The following DIAPH2 variants were observed in gnomAD, a reference collection of about 807,000 sequenced individuals.
The protein encoded by DIAPH2 is protein diaphanous homolog 2.
Under a neutral mutation model 92.7 loss-of-function variants are expected in DIAPH2, and 35 were observed. The ratio of observed to expected loss-of-function variants is 0.38; its 90% CI spans 0.29 to 0.50. DIAPH2 has a LOEUF of 0.50. Among genes scored for constraint, DIAPH2 ranks in the 20% least tolerant of loss-of-function variants. DIAPH2 has a pLI of 0.94. For missense variants in DIAPH2, 701 were observed against 819.5 expected (o/e 0.86, Z 1.77); for synonymous variants, 301 against 280.4 (o/e 1.07, Z -0.73).
chrX:96,856,583 A>AT (rs200000030), intron 4 of DIAPH2, among the ~76,000 whole-genome samples: 732 of 58,741 alleles, frequency 0.012, 11 homozygotes, highest in African/African-American at 0.092. Context: ...TAATATATAT[A>AT]TTTAAAAAAA....
intron 24 of DIAPH2, among the ~76,000 whole-genome samples, chrX:97,356,345 C>G (rs1476649403): frequency 9.0e-6 from 1 of 111,514 alleles, no homozygotes; most frequent in African/African-American, 3.3e-5. Context: ...TCGTTTCATG[C>G]AAATAGAGCC....
At chrX:96,968,591 G>A (rs1209838141) in intron 17 of DIAPH2, among the ~76,000 whole-genome samples, 1 of 111,472 alleles carries the variant, frequency 9.0e-6, no homozygotes, top group Non-Finnish European at 1.9e-5. Flanking sequence ...TGTTTTTTTG[G>A]TTGTTGATTT....
chrX:97,476,633 A>T (rs2147812962), intron 26 of DIAPH2, among the ~76,000 whole-genome samples: 1 of 111,038 alleles, frequency 9.0e-6, no homozygotes, highest in Admixed American at 9.7e-5. Context: ...CTGTAGAATT[A>T]ATTTTTTCAA....
chrX:97,141,403 T>C (rs918321650), intron 21 of DIAPH2, among the ~76,000 whole-genome samples: 4 of 111,449 alleles, frequency 3.6e-5, no homozygotes, highest in African/African-American at 1.3e-4. Context: ...ATGAAAAGAA[T>C]AGTTCATTTT....
intron 20 of DIAPH2, among the ~76,000 whole-genome samples, chrX:97,105,189 G>A (rs2066931259): frequency 9.0e-6 from 1 of 111,537 alleles, no homozygotes; most frequent in African/African-American, 3.3e-5. Context: ...GGGAAATTGT[G>A]AAAGAAAGAA....
At chrX:97,158,590 T>C in intron 22 of DIAPH2, among the ~76,000 whole-genome samples, 1 of 112,310 alleles carries the variant, frequency 8.9e-6, no homozygotes, top group Admixed American at 9.5e-5. Context: ...TGGTTTCCTC[T>C]GATTTTTTAA....
chrX:97,383,928 A>G lies in DIAPH2; in HGVS notation c.3029A>G (p.Asn1010Ser). The change falls in exon 25 of 27, where the codon AAT becomes AGT. Residue 1010 changes from asparagine (N) to serine (S), a missense_variant. By Grantham distance (46) the Asn-to-Ser change is conservative. Coordinates refer to ENST00000324765, the MANE Select transcript of DIAPH2 (RefSeq NM_006729.5). ...GTATAGGAAGCAGTGAGAGAAAACA[A>G]TAAGAGAAGAGAAATGGAAGAGAAG... is the stretch of plus-strand genomic sequence containing the variant. ...TLFLEAVREN[N>S]KRREMEEKTR... The G allele has an allele frequency of 1.7e-6, 2 of 1,200,836 alleles. No individual in the cohort carries two copies. The highest frequency in any genetic ancestry group is 2.2e-6 in the Non-Finnish European group (2 of 891,049).
intron 26 of DIAPH2, among the ~76,000 whole-genome samples, chrX:97,540,892 A>T (rs1373262314): frequency 8.9e-6 from 1 of 111,897 alleles, no homozygotes; most frequent in African/African-American, 3.2e-5. Context: ...AGATAGTTAA[A>T]ATGTTATATT....
intron 23 of DIAPH2, among the ~76,000 whole-genome samples, chrX:97,325,541 ATGT>A (rs2068942555): frequency 4.0e-5 from 4 of 100,641 alleles, no homozygotes; most frequent in Non-Finnish European, 8.1e-5. Flanking sequence ...TTTCATCTTA[ATGT>A]TATTTTATTT....
intron 12 of DIAPH2, among the ~76,000 whole-genome samples, chrX:96,940,112 A>G (rs961487734): frequency 2.4e-4 from 27 of 111,037 alleles, no homozygotes; most frequent in Middle Eastern, 4.6e-3. Context: ...TCTTTGCTAG[A>G]TAGTGATATC....
rs1337573079 is a variant in DIAPH2, at chrX:97,031,804, G to A, written c.2051-41137G>A. On this transcript the variant is annotated intron_variant, in intron 17 of 26. Transcript: ENST00000324765. ...AGAAGGCCACCGAACTCCGATGAAG[G>A]GAAGTAAGCAAGAATTCCCAGTAGA... Among the ~76,000 whole-genome samples, 4 of 111,635 alleles carry A rather than the reference G, an allele frequency of 3.6e-5. No homozygotes were observed. In the Admixed American group the frequency reaches 3.8e-4, roughly 11 times the overall value.
chrX:97,546,421 C>T (rs758610905), intron 26 of DIAPH2, among the ~76,000 whole-genome samples: 1 of 111,609 alleles, frequency 9.0e-6, no homozygotes, highest in East Asian at 2.8e-4. Context: ...AGATTTTTTT[C>T]CCCTCCACTC....
At chrX:97,448,772 T>C (rs763168324) in intron 26 of DIAPH2, among the ~76,000 whole-genome samples, 6 of 112,237 alleles carry the variant, frequency 5.3e-5, no homozygotes, top group Non-Finnish European at 1.1e-4. Flanking sequence ...TTATAATTCA[T>C]GATTAGCACT....
chrX:97,013,639 C>T (rs1250962355), intron 17 of DIAPH2, among the ~76,000 whole-genome samples: 1 of 112,138 alleles, frequency 8.9e-6, no homozygotes. Flanking sequence ...TTCATTCTGC[C>T]AGGTTCAAAG....
chrX:97,128,173 A>G (rs2067106390), intron 21 of DIAPH2, among the ~76,000 whole-genome samples: 1 of 111,804 alleles, frequency 8.9e-6, no homozygotes, highest in Non-Finnish European at 1.9e-5. Flanking sequence ...CTGGTTGCCC[A>G]TTTTTATGGT....
intron 23 of DIAPH2, among the ~76,000 whole-genome samples, chrX:97,325,459 T>C (rs911994808): frequency 8.9e-6 from 1 of 112,415 alleles, no homozygotes; most frequent in African/African-American, 3.2e-5. Flanking sequence ...GACATTATAA[T>C]GCTCAATAGT....
intron 20 of DIAPH2, among the ~76,000 whole-genome samples, chrX:97,110,048 A>G (rs1221732401): frequency 8.9e-6 from 1 of 112,145 alleles, no homozygotes. Context: ...TGAAGACATT[A>G]TTTTGTAGAA....
Position 96,738,708 on chromosome X carries a change from A to C in DIAPH2, c.288A>C (p.Glu96Asp), listed in dbSNP as rs2064102077. ...CTGCAGCTCAGCCATTATATGATGAACGATCTTTGAATTTGTCAGAAAAGG... is the reference window on the plus strand; with the variant it reads ...CTGCAGCTCAGCCATTATATGATGACCGATCTTTGAATTTGTCAGAAAAGG... ...EFPAAQPLYD[E>D]RSLNLSEKEV... The change falls in exon 3 of 27, where the codon GAA becomes GAC. Residue 96 changes from glutamate to aspartate, a missense_variant. By Grantham distance (45) the Glu-to-Asp change is conservative. Around this residue, in one of 3 missense-constraint regions of DIAPH2, gnomAD observed 131 missense variants for 145.6 expected, o/e 0.90. Coordinates refer to ENST00000324765, the MANE Select transcript of DIAPH2 (RefSeq NM_006729.5). 1.7e-5 allele frequency: 20 copies of C among 1,209,479 alleles called. No individual in the cohort carries two copies. Among genetic ancestry groups the C allele is most frequent in the Non-Finnish European group, 2.2e-5 (20 of 894,428 alleles).
intron 1 of DIAPH2, among the ~76,000 whole-genome samples, chrX:96,698,332 G>A (rs1451997378): frequency 8.9e-6 from 1 of 111,890 alleles, no homozygotes; most frequent in Non-Finnish European, 1.9e-5. Context: ...TACACGATAT[G>A]CATTGTTTCT....
Sources: gnomAD v4.1 joint callset for allele counts (sites outside exome capture counted in the v4.1 genomes callset) on GRCh38, gnomAD v4.1.1 for gene constraint, gnomAD v4.1.1 regional missense constraint, MANE v1.5 for transcripts, NCBI Gene and HGNC (gene_info 2026-07-23, HGNC 2026-07-21) for gene names.